UBE3C: variants seen among roughly 807,000 people sequenced by gnomAD.
UBE3C encodes ubiquitin-protein ligase E3C.
In UBE3C, 42 loss-of-function variants were observed where a neutral mutation model predicts 129.4. The ratio of observed to expected loss-of-function variants is 0.32; its 90% CI spans 0.25 to 0.42. The LOEUF (loss-of-function observed/expected upper bound fraction) is 0.42, where lower values mean the gene tolerates loss of function less well. UBE3C is among the 10% of genes least tolerant of loss of function. The pLI, the probability that UBE3C is intolerant of heterozygous loss-of-function variation, is 1.00. For synonymous variants in UBE3C, 510 were observed against 492.4 expected, an observed-to-expected ratio of 1.04 and a Z score of -0.47; for missense variants, 1,049 against 1,319.1, an observed-to-expected ratio of 0.80 and a Z score of 3.17.
chr7:157,175,080 CCT>C, intron 5 of UBE3C, 46 bp downstream of exon 5: 1 of 1,366,768 alleles, frequency 7.3e-7, no homozygotes, highest in Non-Finnish European at 9.9e-7. Context: ...GTATTGATCA[CCT>C]TGTCTAGGGG....
chr7:157,226,192 A>C (rs1795873799), intron 17 of UBE3C, among the ~76,000 whole-genome samples: 1 of 152,232 alleles, frequency 6.6e-6, no homozygotes, highest in African/African-American at 2.4e-5. Flanking sequence ...ATGAAATCAC[A>C]AATTGTAAGC....
rs1294727193 is a variant in UBE3C at position 157,178,758 on chromosome 7, C to G, written c.527C>G (p.Ser176Trp). The change falls in exon 6 of 23, where the codon TCG (serine) becomes TGG (tryptophan). Residue 176 changes from serine to tryptophan, a missense_variant. This residue lies in a region of UBE3C where 489 missense variants were observed against 513.8 expected (regional missense o/e 0.95). Transcript: ENST00000348165. ...CCAATGAGAATGCTTGAAGTATTTT[C>G]GTCTGAGAATACTTACTTGCCTGTT... ...ALPMRMLEVF[S>W]SENTYLPVLQ... 6.2e-7 allele frequency: 1 copy of G among 1,614,166 alleles called. No homozygotes were observed. Among genetic ancestry groups the G allele is most frequent in the Non-Finnish European group, 8.5e-7 (1 of 1,180,028 alleles).
chr7:157,234,093 A>T (rs1255542289), intron 18 of UBE3C, among the ~76,000 whole-genome samples: 1 of 144,250 alleles, frequency 6.9e-6, no homozygotes, highest in African/African-American at 2.6e-5. Flanking sequence ...GAGGAAGCTG[A>T]AACATTGTCA....
intron 16 of UBE3C, among the ~76,000 whole-genome samples, chr7:157,225,121 G>A (rs10261642): frequency 0.26 from 39,891 of 151,998 alleles, 6,113 homozygotes; most frequent in East Asian, 0.42. Flanking sequence ...TCGTGCCTCA[G>A]CCTCCCAAGT....
At chr7:157,176,409 G>C (rs1031221322) in intron 5 of UBE3C, among the ~76,000 whole-genome samples, 1 of 152,112 alleles carries the variant, frequency 6.6e-6, no homozygotes, top group African/African-American at 2.4e-5. Flanking sequence ...CAAGTAGCTG[G>C]GACCACAGGC....
chr7:157,212,360 GCAATA>G (rs1229470266), intron 13 of UBE3C, among the ~76,000 whole-genome samples: 1 of 152,124 alleles, frequency 6.6e-6, no homozygotes, highest in Non-Finnish European at 1.5e-5. Flanking sequence ...TTTTTTGGTT[GCAATA>G]CTATATCTAA....
intron 18 of UBE3C, 197 bp downstream of exon 18, chr7:157,231,524 T>C (rs997292363): frequency 1.1e-5 from 8 of 703,776 alleles, no homozygotes; most frequent in Admixed American, 3.0e-5. Context: ...CCCTCCAAAC[T>C]CATGTTGAAA....
intron 18 of UBE3C, among the ~76,000 whole-genome samples, chr7:157,248,139 G>A (rs1796529931): frequency 6.6e-6 from 1 of 152,148 alleles, no homozygotes; most frequent in African/African-American, 2.4e-5. Context: ...TTCGCTCCTA[G>A]GTGGTCTGTT....
intron 1 of UBE3C, among the ~76,000 whole-genome samples, chr7:157,160,949 T>C (rs1032692730): frequency 7.2e-5 from 11 of 152,218 alleles, no homozygotes; most frequent in African/African-American, 2.2e-4. Flanking sequence ...TATCCTTATT[T>C]CGTAACCTTA....
chr7:157,231,425 T>C, intron 18 of UBE3C, 98 bp downstream of exon 18: 1 of 1,523,232 alleles, frequency 6.6e-7, no homozygotes, highest in Admixed American at 2.1e-5. Flanking sequence ...TAAAATACTG[T>C]TTGTTTTAAA....
Position 157,229,908 on chromosome 7 carries a change from A to G in UBE3C, c.2234-1172A>G, listed in dbSNP as rs528733546. Among the ~76,000 whole-genome samples, 5 of 141,460 alleles carry G rather than the reference A, an allele frequency of 3.5e-5. No individual in the cohort carries two copies. In the South Asian group the frequency reaches 1.2e-3, roughly 35 times the overall value. 92.8% of individuals were successfully genotyped at this position (141,460 alleles called of 152,430 possible). The stretch of plus-strand genomic sequence containing the variant: ...GATTACAGAAGTGAGCCTCTGTGCA[A>G]TGTTTTAATTTATTTATTTTTTTTT... On this transcript the variant is annotated intron_variant, in intron 17 of 22. Transcript: ENST00000348165.
chr7:157,189,361 A>G (rs2116946529), intron 10 of UBE3C: 1 of 162,928 alleles, frequency 6.1e-6, no homozygotes, highest in South Asian at 2.0e-4. Context: ...TAACATTTTT[A>G]ATATCCACTA....
chr7:157,176,664 G>C (rs1808527234), intron 5 of UBE3C, among the ~76,000 whole-genome samples: 2 of 152,170 alleles, frequency 1.3e-5, no homozygotes, highest in African/African-American at 4.8e-5. Context: ...TTAAAATACA[G>C]TGTGTGACAG....
intron 1 of UBE3C, among the ~76,000 whole-genome samples, chr7:157,144,383 T>C (rs551904764): frequency 3.3e-5 from 5 of 152,280 alleles, no homozygotes; most frequent in South Asian, 4.1e-4. Context: ...ATTCGGTGTC[T>C]CGGAAATAGT....
chr7:157,241,200 C>A (rs1796310044), intron 18 of UBE3C, among the ~76,000 whole-genome samples: 1 of 152,266 alleles, frequency 6.6e-6, no homozygotes, highest in Non-Finnish European at 1.5e-5. Context: ...GGAAAATGGA[C>A]TGCTGAGTGT....
intron 19 of UBE3C, among the ~76,000 whole-genome samples, chr7:157,249,781 A>C (rs575703164): frequency 1.6e-4 from 24 of 152,354 alleles, no homozygotes; most frequent in African/African-American, 5.8e-4. Flanking sequence ...TATTACTGTT[A>C]TAAACATCCA....
chr7:157,218,757 A>G (rs1348356897), intron 14 of UBE3C, among the ~76,000 whole-genome samples: 2 of 152,100 alleles, frequency 1.3e-5, no homozygotes, highest in Non-Finnish European at 2.9e-5. Flanking sequence ...AGAGCGAGGA[A>G]GCTATTGCAG....
At chr7:157,189,188 G>T (rs886948631) in intron 10 of UBE3C, 1 of 386,576 alleles carries the variant, frequency 2.6e-6, no homozygotes, top group Non-Finnish European at 4.6e-6. Flanking sequence ...TGGGGCTGGA[G>T]CAGAAGTGCT....
At chr7:157,252,382 G>T (rs1285898449) in intron 19 of UBE3C, among the ~76,000 whole-genome samples, 1 of 152,176 alleles carries the variant, frequency 6.6e-6, no homozygotes, top group Non-Finnish European at 1.5e-5. Flanking sequence ...ACAAGCAAAG[G>T]AATTAAGATA....
Sources: allele counts gnomAD v4.1 joint callset (sites outside exome capture counted in the v4.1 genomes callset), GRCh38; gene constraint gnomAD v4.1.1; regional missense constraint gnomAD v4.1.1; transcripts MANE v1.5; gene names NCBI Gene and HGNC (gene_info 2026-07-23, HGNC 2026-07-21).